The following ST6GALNAC3 variants were observed in gnomAD, a reference collection of about 807,000 sequenced individuals.
ST6GALNAC3 encodes alpha-N-acetylgalactosaminide alpha-2,6-sialyltransferase 3.
Under a neutral mutation model 32.7 loss-of-function variants are expected in ST6GALNAC3, and 25 were observed. The ratio of observed to expected loss-of-function variants is 0.76; its 90% confidence interval spans 0.56 to 1.07. ST6GALNAC3 has a LOEUF of 1.07. Among genes scored for constraint, ST6GALNAC3 ranks in the 50% least tolerant of loss-of-function variants. ST6GALNAC3 has a pLI of 0.00. For synonymous variants in ST6GALNAC3, 129 were observed against 133.1 expected (o/e 0.97, Z 0.21); for missense variants, 355 against 382.4 (o/e 0.93, Z 0.60).
intron 2 of ST6GALNAC3, among the ~76,000 whole-genome samples, chr1:76,341,609 CTTT>C (rs1647984359): frequency 3.4e-5 from 2 of 58,220 alleles, no homozygotes; most frequent in African/African-American, 1.5e-4. Context: ...AACTGCTTTT[CTTT>C]CTTTCTTTCT....
At chr1:76,133,936 C>T (rs2100240502) in intron 1 of ST6GALNAC3, among the ~76,000 whole-genome samples, 1 of 152,324 alleles carries the variant, frequency 6.6e-6, no homozygotes, top group South Asian at 2.1e-4. Context: ...CTGCATGCAG[C>T]CCTTTAGGTT....
chr1:76,469,322 T>C (rs987508902), intron 3 of ST6GALNAC3, among the ~76,000 whole-genome samples: 14 of 152,068 alleles, frequency 9.2e-5, no homozygotes, highest in African/African-American at 3.1e-4. Flanking sequence ...TATCTAATAG[T>C]ACAGAACATA....
chr1:76,555,523 C>A (rs1664865680), intron 3 of ST6GALNAC3, among the ~76,000 whole-genome samples: 1 of 152,042 alleles, frequency 6.6e-6, no homozygotes, highest in African/African-American at 2.4e-5. Flanking sequence ...ACAAAGTGAA[C>A]CTGGTCATTA....
intron 1 of ST6GALNAC3, among the ~76,000 whole-genome samples, chr1:76,151,171 C>G (rs1249607171): frequency 6.6e-6 from 1 of 152,168 alleles, no homozygotes; most frequent in Admixed American, 6.5e-5. Flanking sequence ...TCCCCTTCCT[C>G]CGCCTTCATT....
At chr1:76,112,707 G>C (rs1331033929) in intron 1 of ST6GALNAC3, among the ~76,000 whole-genome samples, 1 of 151,244 alleles carries the variant, frequency 6.6e-6, no homozygotes, top group Non-Finnish European at 1.5e-5. Flanking sequence ...CAGACGGGGC[G>C]GCCGGGCAGA....
chr1:76,321,006 C>G (rs1461733340), intron 2 of ST6GALNAC3, among the ~76,000 whole-genome samples: 1 of 150,058 alleles, frequency 6.7e-6, no homozygotes, highest in South Asian at 2.1e-4. Context: ...TATATATAGT[C>G]AGGTAGGTGT....
chr1:76,560,082 G>A (rs1005557295), intron 3 of ST6GALNAC3, among the ~76,000 whole-genome samples: 1 of 151,916 alleles, frequency 6.6e-6, no homozygotes, highest in Non-Finnish European at 1.5e-5. Flanking sequence ...CATGCACTGG[G>A]GAAAAGACCA....
Position 76,491,636 on chromosome 1 carries a change from C to T in ST6GALNAC3, c.623+79219C>T, listed in dbSNP as rs142371318. On this transcript the variant is annotated intron_variant, in intron 3 of 4. Transcript: ENST00000328299. Reference sequence around the variant, plus strand: ...CTACTCCTAGAAACTCTAGGAGACACATCTGCCATTGTTACCACTGGAAGT... The same window carrying T: ...CTACTCCTAGAAACTCTAGGAGACATATCTGCCATTGTTACCACTGGAAGT... Among the ~76,000 whole-genome samples, 400 of 152,274 alleles carry T rather than the reference C, an allele frequency of 2.6e-3. 1 individual carries two copies. The highest frequency in any genetic ancestry group is 9.4e-3 in the African/African-American group (389 of 41,570).
chr1:76,601,939 AG>A (rs1322001952), intron 3 of ST6GALNAC3, among the ~76,000 whole-genome samples: 2 of 152,190 alleles, frequency 1.3e-5, no homozygotes, highest in Non-Finnish European at 2.9e-5. Context: ...ATGGCGAGGA[AG>A]GTATCCTTCT....
chr1:76,532,353 A>G (rs543050293), intron 3 of ST6GALNAC3, among the ~76,000 whole-genome samples: 3 of 152,298 alleles, frequency 2.0e-5, no homozygotes, highest in South Asian at 2.1e-4. Flanking sequence ...TTTATGAAAC[A>G]TGCATTTACA....
chr1:76,197,561 G>C (rs1654276118), intron 1 of ST6GALNAC3, among the ~76,000 whole-genome samples: 1 of 152,176 alleles, frequency 6.6e-6, no homozygotes, highest in Admixed American at 6.5e-5. Context: ...GTTAGGTAAA[G>C]AAAGCAGGCA....
chr1:76,342,952 A>G (rs950508345), intron 2 of ST6GALNAC3, among the ~76,000 whole-genome samples: 1 of 149,624 alleles, frequency 6.7e-6, no homozygotes, highest in African/African-American at 2.5e-5. Flanking sequence ...ACTTAAGTTA[A>G]TCTTATAGAT....
intron 3 of ST6GALNAC3, among the ~76,000 whole-genome samples, chr1:76,608,949 G>T (rs1647745129): frequency 6.6e-6 from 1 of 152,042 alleles, no homozygotes; most frequent in African/African-American, 2.4e-5. Context: ...ATGATTCTTT[G>T]GTTTTTAAAA....
intron 2 of ST6GALNAC3, among the ~76,000 whole-genome samples, chr1:76,316,093 G>A (rs61771477): frequency 0.094 from 14,266 of 152,074 alleles, 753 homozygotes; most frequent in Middle Eastern, 0.16. Flanking sequence ...TACATGAAAC[G>A]CCAGATTGGC....
intron 3 of ST6GALNAC3, among the ~76,000 whole-genome samples, chr1:76,494,450 TATATATATATATATATATACAC>T (rs1319515219): frequency 1.1e-5 from 1 of 90,830 alleles, no homozygotes; most frequent in African/African-American, 3.2e-5. Context: ...TATATATATA[TATATATATATATATATATACAC>T]ACACACACAC....
At chr1:76,468,193 T>C (rs1658774836) in intron 3 of ST6GALNAC3, among the ~76,000 whole-genome samples, 1 of 151,918 alleles carries the variant, frequency 6.6e-6, no homozygotes, top group South Asian at 2.1e-4. Flanking sequence ...TGCCCATATG[T>C]AAAATGTTTT....
intron 3 of ST6GALNAC3, among the ~76,000 whole-genome samples, chr1:76,470,937 T>C (rs1028368787): frequency 2.6e-5 from 4 of 152,094 alleles, no homozygotes; most frequent in Non-Finnish European, 5.9e-5. Context: ...TACAGATTGT[T>C]GATACAAAGA....
At chr1:76,243,621 AT>A (rs1354994821) in intron 1 of ST6GALNAC3, among the ~76,000 whole-genome samples, 2 of 152,128 alleles carry the variant, frequency 1.3e-5, no homozygotes, top group African/African-American at 4.8e-5. Flanking sequence ...TCTTGAGTTA[AT>A]TTTTGTATAA....
intron 3 of ST6GALNAC3, among the ~76,000 whole-genome samples, chr1:76,479,022 C>T (rs1557465087): frequency 1.3e-5 from 2 of 152,038 alleles, no homozygotes; most frequent in Admixed American, 6.5e-5. Context: ...CTTGGCCTCC[C>T]AAAGTGCTGG....
Sources: allele counts gnomAD v4.1 joint callset (sites outside exome capture counted in the v4.1 genomes callset), GRCh38; gene constraint gnomAD v4.1.1; transcripts MANE v1.5; gene names NCBI Gene and HGNC (gene_info 2026-07-23, HGNC 2026-07-21).